Variants in SMPD3 observed in about 807,000 individuals in gnomAD.
SMPD3 encodes nSMase-2.
A neutral mutation model predicts 55.7 loss-of-function variants in SMPD3; 21 were observed. The ratio of observed to expected loss-of-function variants is 0.38; its 90% confidence interval spans 0.27 to 0.54. The LOEUF is 0.54. SMPD3 is among the 20% of genes least tolerant of loss of function. The pLI is 0.80. For missense variants in SMPD3, 842 were observed against 899.6 expected, an observed-to-expected ratio of 0.94 and a Z score of 0.82; for synonymous variants, 457 against 404.3, an observed-to-expected ratio of 1.13 and a Z score of -1.56.
chr16:68,419,424 T>A (rs1038521831), intron 1 of SMPD3, among the ~76,000 whole-genome samples: 2 of 152,210 alleles, frequency 1.3e-5, no homozygotes, highest in African/African-American at 4.8e-5. Context: ...TGGCCAGGAA[T>A]CTACTGCCCT....
At chr16:68,426,985 GTCTA>G (rs2090440820) in intron 1 of SMPD3, among the ~76,000 whole-genome samples, 1 of 148,274 alleles carries the variant, frequency 6.7e-6, no homozygotes, top group Non-Finnish European at 1.5e-5. Flanking sequence ...TTAAACTCAG[GTCTA>G]TCTTTTTTTT....
chr16:68,384,795 C>A (rs2090022619), intron 2 of SMPD3, among the ~76,000 whole-genome samples: 1 of 152,054 alleles, frequency 6.6e-6, no homozygotes, highest in Non-Finnish European at 1.5e-5. Flanking sequence ...CTGACCCTAG[C>A]TGTGTGTAGA....
intron 1 of SMPD3, among the ~76,000 whole-genome samples, chr16:68,410,894 T>C (rs1054135368): frequency 3.9e-5 from 6 of 152,270 alleles, no homozygotes; most frequent in African/African-American, 1.4e-4. Flanking sequence ...TGAAGACTCC[T>C]AATGACGGGC....
At position 68,372,405 on chromosome 16, in the gene SMPD3, G is replaced by T; in HGVS notation, c.-206-18C>A. 2 of 604,100 alleles carry T rather than the reference G, an allele frequency of 3.3e-6. No homozygotes were observed. Among genetic ancestry groups the T allele is most frequent in the Non-Finnish European group, 5.8e-6 (2 of 343,646 alleles). The allele number at this position is 604,100 out of a possible 1,614,324, so 37.4% of individuals were successfully genotyped here. A position where few individuals can be genotyped will look rare whatever the true frequency, so the allele number is the denominator to read the frequency against. ...TGCAGACCCTGCAGAGACAAAAGTA[G>T]GGGGACTGTTTTTAGTGATCTTCAG... On this transcript the variant is annotated intron_variant, in intron 2 of 8. Transcript: ENST00000219334.
intron 1 of SMPD3, among the ~76,000 whole-genome samples, chr16:68,428,434 C>T (rs1321879210): frequency 1.3e-5 from 2 of 152,198 alleles, no homozygotes; most frequent in Non-Finnish European, 2.9e-5. Flanking sequence ...CCCCATTCTG[C>T]AGATTTGCAG....
At chr16:68,423,581 A>G (rs1040428071) in intron 1 of SMPD3, among the ~76,000 whole-genome samples, 1 of 152,184 alleles carries the variant, frequency 6.6e-6, no homozygotes, top group Non-Finnish European at 1.5e-5. Context: ...TAAGAAATAC[A>G]TTTCTTGTCT....
At chr16:68,390,657 C>A (rs796609257) in intron 1 of SMPD3, among the ~76,000 whole-genome samples, 3 of 152,286 alleles carry the variant, frequency 2.0e-5, no homozygotes, top group Admixed American at 6.5e-5. Context: ...TGAGACCTGT[C>A]TCAAAATAAA....
At chr16:68,433,324 C>A (rs1047441088) in intron 1 of SMPD3, among the ~76,000 whole-genome samples, 3 of 152,208 alleles carry the variant, frequency 2.0e-5, no homozygotes, top group Non-Finnish European at 4.4e-5. Flanking sequence ...TCCATTTGCC[C>A]GACCCTCATG....
chr16:68,390,387 T>A (rs2090100612), intron 1 of SMPD3, among the ~76,000 whole-genome samples: 1 of 152,176 alleles, frequency 6.6e-6, no homozygotes. Context: ...CTAGGCTGGA[T>A]GTGGTGGCTG....
At chr16:68,381,266 C>G (rs1363851409) in intron 2 of SMPD3, among the ~76,000 whole-genome samples, 1 of 152,222 alleles carries the variant, frequency 6.6e-6, no homozygotes, top group Non-Finnish European at 1.5e-5. Context: ...GACCATCCCT[C>G]TGCACACGGC....
At chr16:68,367,686 C>T (rs1176616376) in intron 3 of SMPD3, 1 of 152,276 alleles carries the variant, frequency 6.6e-6, no homozygotes, top group African/African-American at 2.4e-5. Flanking sequence ...CCGCTTCTCC[C>T]TCCTCATCTG....
chr16:68,393,213 T>C (rs2090127570), intron 1 of SMPD3, among the ~76,000 whole-genome samples: 1 of 152,126 alleles, frequency 6.6e-6, no homozygotes, highest in African/African-American at 2.4e-5. Flanking sequence ...AAGACCAGCA[T>C]GGCCAACATG....
chr16:68,406,720 T>C (rs11075674), intron 1 of SMPD3, among the ~76,000 whole-genome samples: 77,393 of 152,144 alleles, frequency 0.51, 21,260 homozygotes, highest in East Asian at 0.82. Flanking sequence ...TTGGGGACGC[T>C]TATTGTTCAT....
At chr16:68,411,337 C>T (rs1161829431) in intron 1 of SMPD3, among the ~76,000 whole-genome samples, 1 of 151,914 alleles carries the variant, frequency 6.6e-6, no homozygotes, top group African/African-American at 2.4e-5. Context: ...GGCGGCCACA[C>T]TGCCTGGCCA....
intron 1 of SMPD3, among the ~76,000 whole-genome samples, chr16:68,435,608 G>T (rs2090517444): frequency 6.6e-6 from 1 of 152,074 alleles, no homozygotes; most frequent in Non-Finnish European, 1.5e-5. Context: ...GCTGGCTGGG[G>T]TGGGAGGGAC....
At chr16:68,425,533 C>G (rs1862755) in intron 1 of SMPD3, among the ~76,000 whole-genome samples, 5 of 135,146 alleles carry the variant, frequency 3.7e-5, no homozygotes, top group African/African-American at 8.9e-5. Flanking sequence ...GCCATGAGGA[C>G]AATGGGTGGG....
intron 8 of SMPD3, 112 bp downstream of exon 8, chr16:68,361,491 T>G: frequency 6.8e-7 from 1 of 1,471,652 alleles, no homozygotes; most frequent in Non-Finnish European, 9.2e-7. Flanking sequence ...ATGGGTATCA[T>G]TGTAAGAGTG....
intron 1 of SMPD3, among the ~76,000 whole-genome samples, chr16:68,444,617 C>T (rs1401034747): frequency 6.6e-6 from 1 of 152,180 alleles, no homozygotes; most frequent in Non-Finnish European, 1.5e-5. Flanking sequence ...AAGGATTAAA[C>T]ATTCTTGATT....
At chr16:68,373,559 C>T (rs1350116454) in intron 2 of SMPD3, among the ~76,000 whole-genome samples, 1 of 152,156 alleles carries the variant, frequency 6.6e-6, no homozygotes, top group African/African-American at 2.4e-5. Flanking sequence ...TGGCCCCACA[C>T]CCTCTCCTCC....
Sources: gnomAD v4.1 joint callset for allele counts (sites outside exome capture counted in the v4.1 genomes callset) on GRCh38, gnomAD v4.1.1 for gene constraint, MANE v1.5 for transcripts, NCBI Gene and HGNC (gene_info 2026-07-23, HGNC 2026-07-21) for gene names.